The following MCEE variants were observed in gnomAD, a reference collection of about 807,000 sequenced individuals.
MCEE encodes the protein methylmalonyl-CoA epimerase, mitochondrial.
A neutral mutation model predicts 12.9 loss-of-function variants in MCEE; 6 were observed. That is an observed-to-expected ratio of 0.47 (90% CI 0.26 to 0.92). The LOEUF (loss-of-function observed/expected upper bound fraction) is 0.92. MCEE is among the 40% of genes least tolerant of loss of function. MCEE has a pLI of 0.16. For missense variants in MCEE, 214 were observed against 212.1 expected (o/e 1.01, Z -0.05); for synonymous variants, 78 against 77.9 (o/e 1.00, Z -0.01).
chr2:71,125,588 C>T (rs1462038025), intron 1 of MCEE, among the ~76,000 whole-genome samples: 3 of 151,972 alleles, frequency 2.0e-5, no homozygotes, highest in Non-Finnish European at 4.4e-5. Context: ...GGTGATCCAC[C>T]CACCTCGGTC....
At chr2:71,112,999 G>A (rs1672920616) in intron 2 of MCEE, among the ~76,000 whole-genome samples, 1 of 151,986 alleles carries the variant, frequency 6.6e-6, no homozygotes, top group South Asian at 2.1e-4. Context: ...CTAGTTTCTA[G>A]AACTGTGAAA....
At chr2:71,128,941 C>G (rs1673301368) in intron 1 of MCEE, among the ~76,000 whole-genome samples, 1 of 149,606 alleles carries the variant, frequency 6.7e-6, no homozygotes, top group African/African-American at 2.5e-5. Flanking sequence ...AGTGAGCTAA[C>G]GCCACTGCAC....
intron 1 of MCEE, among the ~76,000 whole-genome samples, chr2:71,125,003 C>G (rs1673186755): frequency 6.6e-6 from 1 of 151,178 alleles, no homozygotes; most frequent in South Asian, 2.1e-4. Flanking sequence ...ATACAGTACT[C>G]TTTAATGCTC....
intron 2 of MCEE, among the ~76,000 whole-genome samples, chr2:71,123,540 A>G (rs1430395726): frequency 6.6e-6 from 1 of 152,042 alleles, no homozygotes; most frequent in Admixed American, 6.6e-5. Context: ...CTTAACAATT[A>G]TGTCATTCTT....
chr2:71,123,023 G>T (rs1288870581), intron 2 of MCEE, among the ~76,000 whole-genome samples: 1 of 152,150 alleles, frequency 6.6e-6, no homozygotes, highest in East Asian at 1.9e-4. Flanking sequence ...TTGCACTTGG[G>T]TGTTTAAATT....
At chr2:71,119,819 C>T (rs72837607) in intron 2 of MCEE, among the ~76,000 whole-genome samples, 41,055 of 149,604 alleles carry the variant, frequency 0.27, 7,315 homozygotes, top group Middle Eastern at 0.38. Flanking sequence ...TTTGGAAGGG[C>T]TGAGGTAGAA....
Position 71,118,903 on chromosome 2 carries a change from G to A in MCEE, c.378+5303C>T, listed in dbSNP as rs1367301473. ...AACCCTGCTCAGACTCGGACACCTT[G>A]CACTGGAACTCCCCATGCATGGGCA... is the stretch of plus-strand genomic sequence containing the variant. On this transcript the variant is annotated intron_variant, in intron 2 of 2. Coordinates refer to ENST00000244217, the MANE Select transcript of MCEE (RefSeq NM_032601.4). 2.0e-5 allele frequency among the ~76,000 whole-genome samples: 3 copies of A among 149,756 alleles called. 1 individual carries two copies. Among genetic ancestry groups the A allele is most frequent in the African/African-American group, 7.6e-5 (3 of 39,282 alleles).
intron 2 of MCEE, among the ~76,000 whole-genome samples, chr2:71,113,839 C>A (rs1016567527): frequency 2.0e-5 from 3 of 152,130 alleles, no homozygotes; most frequent in African/African-American, 7.2e-5. Context: ...CTGACAACAC[C>A]TCCTCACCTG....
intron 1 of MCEE, chr2:71,129,587 A>AT (rs59191577): frequency 6.5e-6 from 1 of 153,490 alleles, no homozygotes; most frequent in Admixed American, 6.4e-5. Flanking sequence ...CTATGTACAT[A>AT]TTTTAAAAAA....
At chr2:71,115,574 T>G (rs1457728352) in intron 2 of MCEE, among the ~76,000 whole-genome samples, 1 of 150,604 alleles carries the variant, frequency 6.6e-6, no homozygotes, top group Non-Finnish European at 1.5e-5. Context: ...AGAATAAAAT[T>G]AAAATGTCTT....
At chr2:71,129,887 A>G in intron 1 of MCEE, 1 of 551,902 alleles carries the variant, frequency 1.8e-6, no homozygotes, top group Non-Finnish European at 3.3e-6. Context: ...GCCCTGCCTG[A>G]CCTGCCGGGC....
At position 71,119,975 on chromosome 2, in the gene MCEE, C is replaced by T. The variant is rs557589068; in HGVS notation, c.378+4231G>A. On this transcript the variant is annotated intron_variant, in intron 2 of 2. Coordinates refer to ENST00000244217, the MANE Select transcript of MCEE (RefSeq NM_032601.4). The stretch of plus-strand genomic sequence containing the variant: ...GGCTGAGGTAGGAGGGTCGCTTGAG[C>T]TCAGGAGTTCCAGGTTGCAGTGCGT... Among the ~76,000 whole-genome samples, 15 of 149,684 alleles carry T rather than the reference C, an allele frequency of 1.0e-4. No homozygotes were observed. The South Asian group carries it at 1.9e-3, about 19-fold the overall frequency.
At position 71,124,448 on chromosome 2, in the gene MCEE, C is replaced by T. The variant is rs772033573; in HGVS notation, c.136G>A (p.Gly46Ser). ...DQVTGSVWNLGRLNHVAIAVP... is the reference protein window; with the variant it reads ...DQVTGSVWNLSRLNHVAIAVP... The stretch of plus-strand genomic sequence containing the variant: ...GCTATGGCTACATGGTTGAGTCGAC[C>T]CAGGTTCCACACAGAACCTGTCACT... Residue 46 changes from glycine (G) to serine (S), a missense_variant, in exon 2 of 3, where the codon GGT (glycine) becomes AGT (serine). Physicochemically the swap from Gly to Ser is moderately conservative, Grantham distance 56 (BLOSUM62 0). Coordinates refer to ENST00000244217, the MANE Select transcript of MCEE (RefSeq NM_032601.4). 12 of 1,614,072 alleles carry T rather than the reference C, an allele frequency of 7.4e-6. No individual in the cohort carries two copies. Among genetic ancestry groups the T allele is most frequent in the Admixed American group, 6.7e-5 (4 of 60,016 alleles).
chr2:71,116,057 T>C (rs1444746584), intron 2 of MCEE, among the ~76,000 whole-genome samples: 1 of 150,176 alleles, frequency 6.7e-6, no homozygotes, highest in Non-Finnish European at 1.5e-5. Context: ...AGACTTTGCA[T>C]ACCACTAGTG....
At chr2:71,111,860 C>G (rs72903561) in intron 2 of MCEE, among the ~76,000 whole-genome samples, 3,101 of 152,276 alleles carry the variant, frequency 0.02, 101 homozygotes, top group African/African-American at 0.071. Flanking sequence ...TTTGTTTACC[C>G]TCTCTCAGAA....
chr2:71,124,219 T>G lies in MCEE; in HGVS notation c.365A>C (p.His122Pro). ...TAATTAAAATACCTCGATGCAGATGTGATGCATTCCTCCAGCCTTGTTTTT... is the reference window on the plus strand; with the variant it reads ...TAATTAAAATACCTCGATGCAGATGGGATGCATTCCTCCAGCCTTGTTTTT... ...LQKNKAGGMH[H>P]ICIEVDNINA... The change falls in exon 2 of 3, where the codon CAC becomes CCC. Residue 122 changes from histidine to proline, a missense_variant. Coordinates refer to ENST00000244217, the MANE Select transcript of MCEE (RefSeq NM_032601.4). 1 of 1,612,146 alleles carries G rather than the reference T, an allele frequency of 6.2e-7. No individual in the cohort carries two copies.
rs778261717 is a variant in MCEE at position 71,124,404 on chromosome 2, C to T, written c.180G>A (p.Lys60=). Residue 60 remains lysine, a synonymous_variant, in exon 2 of 3, where the codon AAG becomes AAA. Coordinates refer to ENST00000244217, the MANE Select transcript of MCEE (RefSeq NM_032601.4). ...GAATATTCTTATAAAATGCTGCAGC[C>T]TTTTCCAAATCTGGCACTGCTATGG... ...HVAIAVPDLE[K]AAAFYKNILG... is the part of the protein sequence containing the mutation. 3.2e-5 allele frequency: 51 copies of T among 1,613,990 alleles called. No homozygotes were observed. In the Admixed American group the frequency reaches 6.7e-4, roughly 21 times the overall value.
Position 71,110,081 on chromosome 2 carries a change from C to CT in MCEE, c.419dup (p.Lys141GlufsTer7), listed in dbSNP as rs776473131. On this transcript the variant is annotated frameshift_variant, in exon 3 of 3. Transcript: ENST00000244217. LOFTEE classifies it high-confidence loss of function. ...CCTCTTCACTTAGACTGCGGATCTT[C>CT]TTTTTTTTCAAATCCATCACAGCTG... 15 of 1,611,984 alleles carry CT rather than the reference C, an allele frequency of 9.3e-6. No individual in the cohort carries two copies. Among genetic ancestry groups the CT allele is most frequent in the East Asian group, 4.5e-5 (2 of 44,846 alleles).
Position 71,130,175 on chromosome 2 carries a change from T to G in MCEE, c.40+5A>C, listed in dbSNP as rs755058113. The G allele has an allele frequency of 6.2e-7, 1 of 1,609,032 alleles. No homozygotes were observed. ...TGGCGAAGGTCGCCGGTGCCCGGTA[T>G]TCACCTACGGCATTCGCGGCTGCAG... On this transcript the variant is annotated splice_donor_5th_base_variant and intron_variant, in intron 1 of 2. Transcript: ENST00000244217.
Sources: allele counts gnomAD v4.1 joint callset (sites outside exome capture counted in the v4.1 genomes callset), GRCh38; gene constraint gnomAD v4.1.1; transcripts MANE v1.5; gene names NCBI Gene and HGNC (gene_info 2026-07-23, HGNC 2026-07-21).